The following MICALL2 variants were observed in gnomAD, a reference collection of about 807,000 sequenced individuals.
MICALL2 encodes the protein MICAL-like protein 2.
A neutral mutation model predicts 91.1 loss-of-function variants in MICALL2; 111 were observed. That is an observed-to-expected ratio of 1.22 (90% confidence interval 1.04 to 1.43). The LOEUF (loss-of-function observed/expected upper bound fraction) is 1.43, where lower values mean the gene tolerates loss of function less well. Among genes scored for constraint, MICALL2 ranks in the 40% most tolerant of loss-of-function variants. MICALL2 has a pLI of 0.00. For synonymous variants in MICALL2, 694 were observed against 525.3 expected (o/e 1.32, Z -4.39); for missense variants, 1,556 against 1,236.0 (o/e 1.26, Z -3.88).
At chr7:1,440,496 T>C in intron 8 of MICALL2, 95 bp downstream of exon 8, 1 of 1,114,302 alleles carries the variant, frequency 9.0e-7, no homozygotes, top group East Asian at 2.4e-5. Context: ...CGTCTATCCC[T>C]GGATAGGCGT....
At chr7:1,435,062 G>T in intron 16 of MICALL2, 39 bp downstream of exon 16, 1 of 1,392,142 alleles carries the variant, frequency 7.2e-7, no homozygotes. Context: ...GGCCCACCCA[G>T]CCAGCCAGCC....
Position 1,459,358 on chromosome 7 carries a change from G to T in MICALL2, c.-32C>A. ...GGCGCGCCCGCCGCGCGGCGGAACC[G>T]CCCTCCGACACCTTCCCGCGGCTGT... On this transcript the variant is annotated 5_prime_UTR_variant, in exon 1 of 17. Coordinates refer to ENST00000297508, the MANE Select transcript of MICALL2 (RefSeq NM_182924.4). The T allele has an allele frequency of 6.9e-7, 1 of 1,451,014 alleles. No individual in the cohort carries two copies. Among genetic ancestry groups the T allele is most frequent in the Non-Finnish European group, 9.1e-7 (1 of 1,099,030 alleles). The allele number at this position is 1,451,014 out of a possible 1,614,324, so 89.9% of individuals were successfully genotyped here.
chr7:1,459,407 ACAGACGCTGGGACCGCTACGGAACCGC>A lies in MICALL2; in HGVS notation c.-108_-82del. 5 of 1,317,042 alleles carry A rather than the reference ACAGACGCTGGGACCGCTACGGAACCGC, an allele frequency of 3.8e-6. No homozygotes were observed. Among genetic ancestry groups the A allele is most frequent in the Non-Finnish European group, 4.9e-6 (5 of 1,018,930 alleles). The allele number at this position is 1,317,042 out of a possible 1,614,324, so 81.6% of individuals were successfully genotyped here. ...GTGCCGCGACCGCCCGGCCGGCGGG[ACAGACGCTGGGACCGCTACGGAACCGC>A]CAGACCCACGGCGCCCAGCCCCAGC... On this transcript the variant is annotated 5_prime_UTR_variant, in exon 1 of 17. Coordinates refer to ENST00000297508, the MANE Select transcript of MICALL2 (RefSeq NM_182924.4).
intron 8 of MICALL2, 190 bp from the exon 9 acceptor site, chr7:1,440,275 C>T (rs1204175375): frequency 7.0e-6 from 5 of 712,278 alleles, no homozygotes; most frequent in South Asian, 1.9e-5. Context: ...CGCTACCTGC[C>T]GTGGTGCGAA....
At chr7:1,441,957 G>C in intron 7 of MICALL2, 1 of 578,436 alleles carries the variant, frequency 1.7e-6, no homozygotes, top group Non-Finnish European at 3.1e-6. Context: ...ACGTGCGGAT[G>C]GGGTGGGCTG....
chr7:1,437,916 C>T lies in MICALL2; in HGVS notation c.2376G>A (p.Leu792=). The change falls in exon 13 of 17, where the codon CTG becomes CTA. Residue 792 remains leucine, a synonymous_variant. Coordinates refer to ENST00000297508, the MANE Select transcript of MICALL2 (RefSeq NM_182924.4). ...FWLIHEKQLL[L]RQESELMYKS... is the part of the protein sequence containing the mutation. ...TGTACATCAGCTCTGACTCCTGTCT[C>T]AGCAGAAGCTGCTTCTCGTGAATGA... The T allele has an allele frequency of 1.9e-6, 3 of 1,549,388 alleles. No homozygotes were observed. Among genetic ancestry groups the T allele is most frequent in the Non-Finnish European group, 2.6e-6 (3 of 1,146,898 alleles).
In MICALL2 at chr7:1,451,520, G is replaced by A. The variant is rs1438446210; in HGVS notation, c.144-1232C>T. On this transcript the variant is annotated intron_variant, in intron 1 of 16. Transcript: ENST00000297508. This position sits in a 1 kb window ranked among gnomAD's most constrained non-coding sequence, Gnocchi z 4.5. ...CGTCTCAGAAAAACAAAAATATAGT[G>A]ATCGTGACCCGTCTGTCCACGTTGC... Among the ~76,000 whole-genome samples, 1 of 152,184 alleles carries A rather than the reference G, an allele frequency of 6.6e-6. No homozygotes were observed. Among genetic ancestry groups the A allele is most frequent in the African/African-American group, 2.4e-5 (1 of 41,448 alleles).
intron 1 of MICALL2, among the ~76,000 whole-genome samples, chr7:1,457,686 A>G (rs1158711994): frequency 3.3e-5 from 5 of 152,204 alleles, no homozygotes; most frequent in African/African-American, 1.2e-4. Context: ...GGGAGTACAG[A>G]GAAGCTCCCC....
intron 15 of MICALL2, among the ~76,000 whole-genome samples, chr7:1,436,254 G>A (rs1584193030): frequency 6.6e-6 from 1 of 151,928 alleles, no homozygotes; most frequent in African/African-American, 2.4e-5. Context: ...AGCCGGGCAT[G>A]GTGGTGCGAG....
At chr7:1,436,942 G>A in intron 14 of MICALL2, 86 bp from the exon 15 acceptor site, 4 of 984,764 alleles carry the variant, frequency 4.1e-6, no homozygotes, top group Non-Finnish European at 5.7e-6. Context: ...CCAAGCGCCA[G>A]GCTCCTCTTT....
chr7:1,442,127 C>A (rs961822681), intron 7 of MICALL2, 65 bp downstream of exon 7: 7 of 1,550,302 alleles, frequency 4.5e-6, no homozygotes, highest in East Asian at 2.2e-5. Flanking sequence ...CTGCAGAGTG[C>A]GGCCAGGGGA....
rs772776571 is a variant in MICALL2 at position 1,445,372 on chromosome 7, G to A, written c.698C>T (p.Pro233Leu). 51 of 1,586,440 alleles carry A rather than the reference G, an allele frequency of 3.2e-5. No individual in the cohort carries two copies. The highest frequency in any genetic ancestry group is 1.4e-4 in the South Asian group (12 of 88,814). The change falls in exon 6 of 17, where the codon CCG becomes CTG. Residue 233 changes from proline to leucine, a missense_variant. Physicochemically the swap from Pro to Leu is moderately conservative, Grantham distance 98 (BLOSUM62 -3). Coordinates refer to ENST00000297508, the MANE Select transcript of MICALL2 (RefSeq NM_182924.4). ...GTGGCTGGTGCAGACGAAGGTGCCCGGCTCTCCTGTGGCCTTGTAGGCCCC... is the reference window on the plus strand; with the variant it reads ...GTGGCTGGTGCAGACGAAGGTGCCCAGCTCTCCTGTGGCCTTGTAGGCCCC... Reference protein sequence around the residue: ...HSGAYKATGEPGTFVCTSHLP... With the variant: ...HSGAYKATGELGTFVCTSHLP...
In MICALL2 at chr7:1,452,045, G is replaced by A. The variant is rs574241648; in HGVS notation, c.144-1757C>T. On this transcript the variant is annotated intron_variant, in intron 1 of 16. Coordinates refer to ENST00000297508, the MANE Select transcript of MICALL2 (RefSeq NM_182924.4). The surrounding 1 kb of genome is among the most constrained non-coding windows in gnomAD (Gnocchi z 6.2). Reference sequence around the variant, plus strand: ...TCCTTAGGAAGCCCCCGCCCCGTCCGCCTGCAGCCCTGCCGTCCATCAATC... The same window carrying A: ...TCCTTAGGAAGCCCCCGCCCCGTCCACCTGCAGCCCTGCCGTCCATCAATC... Among the ~76,000 whole-genome samples, 6 of 152,250 alleles carry A rather than the reference G, an allele frequency of 3.9e-5. No homozygotes were observed. The South Asian group carries it at 1.2e-3, about 32-fold the overall frequency.
chr7:1,449,401 C>A (rs1780738273), intron 2 of MICALL2, among the ~76,000 whole-genome samples: 1 of 152,258 alleles, frequency 6.6e-6, no homozygotes, highest in South Asian at 2.1e-4. Context: ...CCTCCACCTT[C>A]CGGATTCAAG....
chr7:1,437,616 A>G lies in MICALL2; in HGVS notation c.2403-8T>C, dbSNP rs200946607. ...AGACGCTGGGCCTTGGACCTGCCGC[A>G]CAGACACGCGTCTGAGGCCTGACTC... On this transcript the variant is annotated splice_polypyrimidine_tract_variant and splice_region_variant and intron_variant, in intron 13 of 16. Coordinates refer to ENST00000297508, the MANE Select transcript of MICALL2 (RefSeq NM_182924.4). The G allele has an allele frequency of 4.7e-4, 721 of 1,539,160 alleles. 2 individuals are homozygous for G. The East Asian group carries it at 8.2e-3, about 17-fold the overall frequency.
At chr7:1,459,102 G>A in intron 1 of MICALL2, 82 bp downstream of exon 1, 1 of 1,433,552 alleles carries the variant, frequency 7.0e-7, no homozygotes, top group Non-Finnish European at 9.5e-7. Context: ...CCATCCCCCA[G>A]CCGCCCGGGC....
chr7:1,444,755 G>A lies in MICALL2; in HGVS notation c.1315C>T (p.Pro439Ser), dbSNP rs754322836. ...GTSLSGRGPTPSLVLSKDSSK... is the reference protein window; with the variant it reads ...GTSLSGRGPTSSLVLSKDSSK... ...CTGTCCTTGGATAGAACAAGTGACG[G>A]GGTGGGACCTCTGCCAGAAAGGCTG... The change falls in exon 6 of 17, where the codon CCG (proline) becomes TCG (serine). Residue 439 changes from proline to serine, a missense_variant. Physicochemically the swap from Pro to Ser is moderately conservative, Grantham distance 74. Coordinates refer to ENST00000297508, the MANE Select transcript of MICALL2 (RefSeq NM_182924.4). 1 of 1,612,350 alleles carries A rather than the reference G, an allele frequency of 6.2e-7. No homozygotes were observed. The highest frequency in any genetic ancestry group is 1.1e-5 in the South Asian group (1 of 91,076).
rs536022802 is a variant in MICALL2 at position 1,442,349 on chromosome 7, G to A, written c.1554C>T (p.Ala518=). 1.2e-6 allele frequency: 2 copies of A among 1,612,734 alleles called. No homozygotes were observed. Among genetic ancestry groups the A allele is most frequent in the Non-Finnish European group, 8.5e-7 (1 of 1,179,552 alleles). ...LGLPSRMEPP[A]PLSTSSTSQA... ...GAGAGGTACTGCTCGTGCTCAGCGG[G>A]GCTGGCGGTTCCATCCTCGAAGGGA... The change falls in exon 7 of 17, where the codon GCC becomes GCT. Residue 518 remains alanine, a synonymous_variant. Transcript: ENST00000297508.
In MICALL2 at chr7:1,447,743, C is replaced by A. The variant is rs1340476782; in HGVS notation, c.357G>T (p.Lys119Asn). Residue 119 changes from lysine (K) to asparagine (N), a missense_variant, in exon 4 of 17, where the codon AAG (lysine) becomes AAT (asparagine). Lys to Asn is a moderately conservative substitution (Grantham distance 94, BLOSUM62 0). Coordinates refer to ENST00000297508, the MANE Select transcript of MICALL2 (RefSeq NM_182924.4). ...CCTCCTCAGAGTCCTCCGAGGCCCT[C>A]TTCACGCCTGCCATGCCCCCAACTG... The part of the protein sequence containing the change: ...RSPIGGMAGV[K>N]RASEDSEEEP... 26 of 1,552,398 alleles carry A rather than the reference C, an allele frequency of 1.7e-5. No individual in the cohort carries two copies. Among genetic ancestry groups the A allele is most frequent in the Non-Finnish European group, 2.3e-5 (26 of 1,148,298 alleles).
Sources: allele counts gnomAD v4.1 joint callset (sites outside exome capture counted in the v4.1 genomes callset), GRCh38; gene constraint gnomAD v4.1.1; non-coding constraint Gnocchi (gnomAD v3.1); transcripts MANE v1.5; gene names NCBI Gene and HGNC (gene_info 2026-07-23, HGNC 2026-07-21).